The following NOL10 variants were observed in gnomAD, a reference collection of about 807,000 sequenced individuals.
NOL10 encodes nucleolar protein 10, also known as H_NH0074G24.1.
In NOL10, 58 loss-of-function variants were observed where a neutral mutation model predicts 103.5. That is an observed-to-expected ratio of 0.56 (90% CI 0.45 to 0.70). The LOEUF (loss-of-function observed/expected upper bound fraction) is 0.70. Among genes scored for constraint, NOL10 ranks in the 30% least tolerant of loss-of-function variants. The pLI is 0.00. For synonymous variants in NOL10, 287 were observed against 282.5 expected, an observed-to-expected ratio of 1.02 and a Z score of -0.16; for missense variants, 763 against 807.3, an observed-to-expected ratio of 0.95 and a Z score of 0.67.
intron 10 of NOL10, among the ~76,000 whole-genome samples, chr2:10,658,302 T>C (rs1016783798): frequency 1.3e-5 from 2 of 152,200 alleles, no homozygotes; most frequent in African/African-American, 4.8e-5. Flanking sequence ...CTATGACTTC[T>C]TGGGAGAAGG....
intron 12 of NOL10, among the ~76,000 whole-genome samples, chr2:10,647,860 A>G (rs1679188476): frequency 6.6e-6 from 1 of 152,228 alleles, no homozygotes; most frequent in Non-Finnish European, 1.5e-5. Context: ...GCAGGTGAGA[A>G]TTCCGAGGTT....
At chr2:10,577,102 T>C (rs1674490948) in intron 20 of NOL10, among the ~76,000 whole-genome samples, 1 of 152,196 alleles carries the variant, frequency 6.6e-6, no homozygotes, top group Admixed American at 6.5e-5. Context: ...AAATGGATCT[T>C]ATAAATCAAT....
rs372038706 is a variant in NOL10 at position 10,659,286 on chromosome 2, G to A, written c.678-36C>T. 1.4e-4 allele frequency: 150 copies of A among 1,093,294 alleles called. 2 individuals carry two copies. The highest frequency in any genetic ancestry group is 9.0e-4 in the South Asian group (70 of 77,384). 67.7% of individuals were successfully genotyped at this position (1,093,294 alleles called of 1,614,324 possible). On this transcript the variant is annotated intron_variant, in intron 9 of 20. Transcript: ENST00000381685. ...AAATATTCATGCTTCATGAATATAC[G>A]GCCAAACCTCCTTCCAAGTAACAAG...
rs549643485 is a variant in NOL10 at position 10,604,391 on chromosome 2, T to C, written c.1154-1234A>G. ...CAGTAGTATAAAATAGTATATGTTA[T>C]AGAACAATATAAAAAAGAAAATTAA... On this transcript the variant is annotated intron_variant, in intron 14 of 20. Coordinates refer to ENST00000381685, the MANE Select transcript of NOL10 (RefSeq NM_024894.4). Among the ~76,000 whole-genome samples, 26 of 152,330 alleles carry C rather than the reference T, an allele frequency of 1.7e-4. 1 individual carries two copies. The South Asian group carries it at 2.7e-3, about 16-fold the overall frequency.
chr2:10,647,148 A>G (rs989024064), intron 12 of NOL10, among the ~76,000 whole-genome samples: 13 of 152,372 alleles, frequency 8.5e-5, no homozygotes, highest in African/African-American at 3.1e-4. Context: ...TGGAGTCAAA[A>G]GAACACATTT....
intron 13 of NOL10, among the ~76,000 whole-genome samples, chr2:10,622,341 C>T (rs1677195892): frequency 1.3e-5 from 2 of 152,156 alleles, no homozygotes; most frequent in African/African-American, 4.8e-5. Flanking sequence ...AGCCCCATGC[C>T]ACGCTGTGTG....
intron 12 of NOL10, among the ~76,000 whole-genome samples, chr2:10,650,817 G>C (rs974946429): frequency 6.6e-6 from 1 of 152,144 alleles, no homozygotes; most frequent in Non-Finnish European, 1.5e-5. Flanking sequence ...GAGATGCGTA[G>C]TTGAATTATC....
intron 17 of NOL10, 46 bp downstream of exon 17, chr2:10,600,807 T>C: frequency 1.6e-6 from 2 of 1,222,692 alleles, no homozygotes; most frequent in Non-Finnish European, 2.3e-6. Context: ...TGTAAGTTAC[T>C]ATCAACAAAA....
chr2:10,680,866 A>G (rs765911430), intron 3 of NOL10, among the ~76,000 whole-genome samples: 1 of 152,258 alleles, frequency 6.6e-6, no homozygotes, highest in Non-Finnish European at 1.5e-5. Context: ...ACTCCAACAC[A>G]CTAAAAGTTT....
chr2:10,639,895 G>C (rs930137329), intron 13 of NOL10, among the ~76,000 whole-genome samples: 7 of 152,142 alleles, frequency 4.6e-5, no homozygotes, highest in African/African-American at 1.7e-4. Context: ...TGGGACAGGG[G>C]CTGCAGACAA....
intron 16 of NOL10, among the ~76,000 whole-genome samples, chr2:10,601,778 T>A (rs1675986365): frequency 6.6e-6 from 1 of 152,124 alleles, no homozygotes; most frequent in African/African-American, 2.4e-5. Flanking sequence ...GCCACTGTAC[T>A]CCACCATGGG....
At chr2:10,629,729 T>C (rs6755281) in intron 13 of NOL10, among the ~76,000 whole-genome samples, 46,707 of 152,200 alleles carry the variant, frequency 0.31, 7,915 homozygotes, top group Non-Finnish European at 0.39. Flanking sequence ...CTTAAGTGAT[T>C]ATCAGACTAA....
intron 3 of NOL10, among the ~76,000 whole-genome samples, chr2:10,677,750 G>A (rs1164477120): frequency 6.6e-6 from 1 of 152,080 alleles, no homozygotes; most frequent in East Asian, 1.9e-4. Flanking sequence ...TGGAATTACA[G>A]GCGTGAGCCA....
intron 17 of NOL10, among the ~76,000 whole-genome samples, chr2:10,592,807 G>T (rs1675458075): frequency 6.6e-6 from 1 of 152,088 alleles, no homozygotes; most frequent in South Asian, 2.1e-4. Context: ...AACCTCTTCT[G>T]ACCCAGCTTG....
At chr2:10,660,630 T>C (rs1307778929) in intron 9 of NOL10, among the ~76,000 whole-genome samples, 1 of 152,234 alleles carries the variant, frequency 6.6e-6, no homozygotes, top group East Asian at 1.9e-4. Context: ...TATATGTTCT[T>C]ATCGAGTTTT....
intron 13 of NOL10, among the ~76,000 whole-genome samples, chr2:10,615,589 G>C (rs544160962): frequency 1.3e-5 from 2 of 152,304 alleles, no homozygotes; most frequent in African/African-American, 4.8e-5. Flanking sequence ...TAAAATGACA[G>C]TAAATAACTT....
chr2:10,679,136 G>C (rs970982115), intron 3 of NOL10, among the ~76,000 whole-genome samples: 2 of 151,946 alleles, frequency 1.3e-5, no homozygotes, highest in Non-Finnish European at 2.9e-5. Flanking sequence ...GAGGTGGGCG[G>C]ATCACCTGAG....
intron 13 of NOL10, among the ~76,000 whole-genome samples, chr2:10,643,257 T>C (rs1009445113): frequency 5.9e-5 from 9 of 152,154 alleles, no homozygotes; most frequent in Admixed American, 5.9e-4. Flanking sequence ...GCTTTTTTTA[T>C]GTGTGAAAAT....
intron 12 of NOL10, among the ~76,000 whole-genome samples, chr2:10,649,946 A>T (rs1311325799): frequency 6.6e-6 from 1 of 152,176 alleles, no homozygotes; most frequent in Non-Finnish European, 1.5e-5. Flanking sequence ...CCAACCATTT[A>T]AAAATGTAAA....
Sources: gnomAD v4.1 joint callset for allele counts (sites outside exome capture counted in the v4.1 genomes callset) on GRCh38, gnomAD v4.1.1 for gene constraint, MANE v1.5 for transcripts, NCBI Gene and HGNC (gene_info 2026-07-23, HGNC 2026-07-21) for gene names.